Variants in VPS41 observed in about 807,000 individuals in gnomAD.
The protein encoded by VPS41 is vacuolar protein sorting-associated protein 41 homolog.
A neutral mutation model predicts 130.9 loss-of-function variants in VPS41; 85 were observed. The ratio of observed to expected loss-of-function variants is 0.65; its 90% CI spans 0.55 to 0.78. The LOEUF (loss-of-function observed/expected upper bound fraction) is 0.78. Among genes scored for constraint, VPS41 ranks in the 30% least tolerant of loss-of-function variants. VPS41 has a pLI of 0.00. For synonymous variants in VPS41, 335 were observed against 332.9 expected (o/e 1.01, Z -0.07); for missense variants, 874 against 1,018.7 (o/e 0.86, Z 1.93).
At chr7:38,814,204 A>G (rs531140048) in intron 7 of VPS41, among the ~76,000 whole-genome samples, 3 of 152,364 alleles carry the variant, frequency 2.0e-5, no homozygotes, top group African/African-American at 7.2e-5. Context: ...ATGCTAAGTA[A>G]AAGGATGAAG....
At chr7:38,894,464 T>TG (rs1196208019) in intron 2 of VPS41, among the ~76,000 whole-genome samples, 6 of 149,086 alleles carry the variant, frequency 4.0e-5, no homozygotes, top group Admixed American at 4.0e-4. Flanking sequence ...TGGGGGGAAG[T>TG]GGGGGAGGAA....
In VPS41 at chr7:38,773,997, G is replaced by C. The variant is rs976351; in HGVS notation, c.1012+118C>G. 997,899 of 1,005,162 alleles carry C rather than the reference G, an allele frequency of 0.99. 495,370 individuals carry two copies. Among genetic ancestry groups the C allele is most frequent in the African/African-American group, 1 (61,305 of 61,400 alleles). The allele number at this position is 1,005,162 out of a possible 1,614,324, so 62.3% of individuals were successfully genotyped here. A position where few individuals can be genotyped will look rare whatever the true frequency, so the allele number is the denominator to read the frequency against. On this transcript the variant is annotated intron_variant, in intron 12 of 28. Transcript: ENST00000310301. ...CTTGTTTTCAGCACACACAGTCTAC[G>C]CAGGTATTCTCTTAAGATTCTTTCA...
At chr7:38,842,952 A>T in intron 4 of VPS41, among the ~76,000 whole-genome samples, 1 of 152,226 alleles carries the variant, frequency 6.6e-6, no homozygotes, top group East Asian at 1.9e-4. Flanking sequence ...CTGGCATAGA[A>T]AAGCTCGATG....
rs751809143 is a variant in VPS41 at position 38,772,652 on chromosome 7, A to G, written c.1013-15T>C. 6 of 1,575,834 alleles carry G rather than the reference A, an allele frequency of 3.8e-6. No individual in the cohort carries two copies. In the South Asian group the frequency reaches 6.7e-5, roughly 18 times the overall value. On this transcript the variant is annotated splice_polypyrimidine_tract_variant and intron_variant, in intron 12 of 28. Transcript: ENST00000310301. ...TTCAGAGTATTCTGTAGGTGAGAAAAGAGAGGAACGACTTGGTGACTGAAC... is the reference window on the plus strand; with the variant it reads ...TTCAGAGTATTCTGTAGGTGAGAAAGGAGAGGAACGACTTGGTGACTGAAC...
intron 1 of VPS41, 111 bp downstream of exon 1, chr7:38,909,043 T>A: frequency 8.6e-6 from 9 of 1,052,398 alleles, no homozygotes; most frequent in African/African-American, 1.7e-5. Flanking sequence ...CGGACCTGCC[T>A]TGCGCTATTC....
chr7:38,788,414 T>G (rs547092404), intron 10 of VPS41, among the ~76,000 whole-genome samples: 1 of 152,310 alleles, frequency 6.6e-6, no homozygotes, highest in South Asian at 2.1e-4. Flanking sequence ...AGAGTTCCTG[T>G]GAGGATAAAG....
chr7:38,857,545 A>T (rs531633082), intron 4 of VPS41, among the ~76,000 whole-genome samples: 4 of 152,254 alleles, frequency 2.6e-5, no homozygotes, highest in Admixed American at 1.3e-4. Context: ...CTGCTTCAAC[A>T]TAAGTACCCT....
intron 3 of VPS41, among the ~76,000 whole-genome samples, chr7:38,865,854 G>A (rs769250290): frequency 1.3e-5 from 2 of 152,168 alleles, no homozygotes; most frequent in African/African-American, 2.4e-5. Context: ...TGAAAGGCAG[G>A]AAAGTAGAGG....
chr7:38,827,733 A>G (rs563872665), intron 5 of VPS41, among the ~76,000 whole-genome samples: 1 of 152,340 alleles, frequency 6.6e-6, no homozygotes, highest in African/African-American at 2.4e-5. Flanking sequence ...TATTGCCTTC[A>G]GCTTTATATT....
Position 38,795,530 on chromosome 7 carries a change from A to G in VPS41, c.652T>C (p.Tyr218His), listed in dbSNP as rs1784602464. 6 of 1,613,600 alleles carry G rather than the reference A, an allele frequency of 3.7e-6. No individual in the cohort carries two copies. In the Admixed American group the frequency reaches 1.0e-4, roughly 27 times the overall value. Reference protein sequence around the residue: ...RDDISLRPDMYPCSLCWKDNV... With the variant: ...RDDISLRPDMHPCSLCWKDNV... The stretch of plus-strand genomic sequence containing the variant: ...TCCTTCCAGCAGAGGCTGCAGGGAT[A>G]CATGTCTGGGCGAAGACTTATATCA... The change falls in exon 9 of 29, where the codon TAT (tyrosine) becomes CAT (histidine). Residue 218 changes from tyrosine (Y) to histidine (H), a missense_variant. Tyr to His is a moderately conservative substitution (Grantham distance 83). Transcript: ENST00000310301.
chr7:38,774,261 G>C lies in VPS41; in HGVS notation c.883-17C>G. The C allele has an allele frequency of 6.4e-7, 1 of 1,555,120 alleles. No individual in the cohort carries two copies. Among genetic ancestry groups the C allele is most frequent in the Non-Finnish European group, 8.7e-7 (1 of 1,148,470 alleles). On this transcript the variant is annotated splice_polypyrimidine_tract_variant and intron_variant, in intron 11 of 28. Transcript: ENST00000310301. Reference sequence around the variant, plus strand: ...TTCTCTTTCCTAGTGGGGGAAAAGAGAGAAACATTAATTTAAATTACATTT... The same window carrying C: ...TTCTCTTTCCTAGTGGGGGAAAAGACAGAAACATTAATTTAAATTACATTT...
At chr7:38,795,366 G>T in intron 9 of VPS41, 99 bp downstream of exon 9, 1 of 985,424 alleles carries the variant, frequency 1.0e-6, no homozygotes, top group Non-Finnish European at 1.4e-6. Flanking sequence ...CAAGTGAAAA[G>T]ATTTGGGTCC....
At chr7:38,742,816 C>A (rs1795907935) in intron 24 of VPS41, among the ~76,000 whole-genome samples, 1 of 150,304 alleles carries the variant, frequency 6.7e-6, no homozygotes, top group African/African-American at 2.4e-5. Context: ...TAGTTATTTT[C>A]AAAAGAGTTG....
chr7:38,819,609 G>A (rs918775161), intron 6 of VPS41, among the ~76,000 whole-genome samples: 10 of 152,082 alleles, frequency 6.6e-5, no homozygotes, highest in African/African-American at 2.2e-4. Context: ...GAATGCCCTT[G>A]TTTCAGTCCT....
At chr7:38,789,368 C>T (rs1262124538) in intron 10 of VPS41, among the ~76,000 whole-genome samples, 1 of 152,086 alleles carries the variant, frequency 6.6e-6, no homozygotes, top group Admixed American at 6.6e-5. Flanking sequence ...TCAGGGAGGT[C>T]CAGTGGCTTT....
intron 25 of VPS41, among the ~76,000 whole-genome samples, chr7:38,734,683 C>T (rs1179017498): frequency 6.6e-6 from 1 of 152,130 alleles, no homozygotes; most frequent in Non-Finnish European, 1.5e-5. Context: ...TTAGAAACAG[C>T]GGCCATGCGA....
At chr7:38,751,347 G>C (rs3801145) in intron 22 of VPS41, among the ~76,000 whole-genome samples, 100,339 of 152,104 alleles carry the variant, frequency 0.66, 34,054 homozygotes, top group Admixed American at 0.79. Context: ...AATTTAGTCA[G>C]ACATTTGTAG....
At chr7:38,774,083 A>G (rs557552870) in intron 12 of VPS41, 32 bp downstream of exon 12, 1 of 1,549,110 alleles carries the variant, frequency 6.5e-7, no homozygotes, top group South Asian at 1.2e-5. Context: ...ACATTAAAAA[A>G]GCATATCAGC....
chr7:38,779,046 C>A (rs1784312822), intron 10 of VPS41, among the ~76,000 whole-genome samples: 1 of 152,166 alleles, frequency 6.6e-6, no homozygotes, highest in Non-Finnish European at 1.5e-5. Flanking sequence ...CCAATGTGTT[C>A]TAAAACAAAA....
Sources: allele counts gnomAD v4.1 joint callset (sites outside exome capture counted in the v4.1 genomes callset), GRCh38; gene constraint gnomAD v4.1.1; transcripts MANE v1.5; gene names NCBI Gene and HGNC (gene_info 2026-07-23, HGNC 2026-07-21).